Variants in ADGRB3 observed in about 807,000 individuals in gnomAD.
ADGRB3 encodes the protein adhesion G protein-coupled receptor B3, also known as brain-specific angiogenesis inhibitor 3.
In ADGRB3, 37 loss-of-function variants were observed where a neutral mutation model predicts 193.4. That is an observed-to-expected ratio of 0.19 (90% CI 0.15 to 0.25). The LOEUF (loss-of-function observed/expected upper bound fraction) is 0.25. ADGRB3 is among the 10% of genes least tolerant of loss of function. ADGRB3 has a pLI of 1.00. For synonymous variants in ADGRB3, 690 were observed against 644.2 expected (o/e 1.07, Z -1.08); for missense variants, 1,637 against 1,852.9 (o/e 0.88, Z 2.14).
At chr6:69,355,262 C>T (rs1255080903) in intron 27 of ADGRB3, among the ~76,000 whole-genome samples, 1 of 152,110 alleles carries the variant, frequency 6.6e-6, no homozygotes, top group African/African-American at 2.4e-5. Context: ...AGAAGGTTCT[C>T]GACCAGATGA....
chr6:69,226,351 A>C (rs1276285558), intron 17 of ADGRB3, among the ~76,000 whole-genome samples: 1 of 152,206 alleles, frequency 6.6e-6, no homozygotes, highest in African/African-American at 2.4e-5. Flanking sequence ...AACTATATCA[A>C]ATCAAAATCT....
At chr6:69,355,193 A>AT (rs1769313155) in intron 27 of ADGRB3, among the ~76,000 whole-genome samples, 1 of 152,216 alleles carries the variant, frequency 6.6e-6, no homozygotes, top group Non-Finnish European at 1.5e-5. Flanking sequence ...ATTTCAAAAC[A>AT]TTAATTGATT....
chr6:68,976,219 A>T (rs1768742989), intron 10 of ADGRB3, among the ~76,000 whole-genome samples: 1 of 152,176 alleles, frequency 6.6e-6, no homozygotes, highest in African/African-American at 2.4e-5. Context: ...TTGCTTGTGG[A>T]TGGAGAAATA....
intron 3 of ADGRB3, among the ~76,000 whole-genome samples, chr6:68,830,997 G>A (rs983349473): frequency 6.6e-6 from 1 of 150,410 alleles, no homozygotes; most frequent in Non-Finnish European, 1.5e-5. Flanking sequence ...TGGGTATAAC[G>A]TGATCTAACC....
At chr6:69,146,633 C>T (rs1774504789) in intron 17 of ADGRB3, among the ~76,000 whole-genome samples, 1 of 152,212 alleles carries the variant, frequency 6.6e-6, no homozygotes, top group South Asian at 2.1e-4. Flanking sequence ...CCACTGGCTC[C>T]TTGGAGTGCA....
chr6:69,175,211 C>A (rs1181893958), intron 17 of ADGRB3, among the ~76,000 whole-genome samples: 1 of 152,012 alleles, frequency 6.6e-6, no homozygotes, highest in Non-Finnish European at 1.5e-5. Flanking sequence ...AGAATTAACT[C>A]AATATGGGTT....
intron 20 of ADGRB3, among the ~76,000 whole-genome samples, chr6:69,289,166 C>G (rs550020006): frequency 6.6e-6 from 1 of 152,080 alleles, no homozygotes; most frequent in Non-Finnish European, 1.5e-5. Flanking sequence ...AATTTTAAAG[C>G]AATTGTAAAA....
chr6:69,041,064 G>A (rs569967205), intron 13 of ADGRB3, among the ~76,000 whole-genome samples: 65 of 151,576 alleles, frequency 4.3e-4, no homozygotes, highest in African/African-American at 1.4e-3. Context: ...GAACTCTCTC[G>A]GGCACTGTGG....
intron 3 of ADGRB3, among the ~76,000 whole-genome samples, chr6:68,738,102 T>C (rs565757890): frequency 6.6e-6 from 1 of 152,260 alleles, no homozygotes; most frequent in East Asian, 1.9e-4. Context: ...GGATGAGCCA[T>C]GCTAATGTTT....
chr6:69,135,230 A>G (rs1774118250), intron 17 of ADGRB3, among the ~76,000 whole-genome samples: 2 of 151,656 alleles, frequency 1.3e-5, no homozygotes, highest in Admixed American at 6.6e-5. Context: ...CTTATCTTCT[A>G]TTTTCTTCTA....
chr6:69,191,405 T>G (rs1765184353), intron 17 of ADGRB3, among the ~76,000 whole-genome samples: 1 of 152,136 alleles, frequency 6.6e-6, no homozygotes, highest in African/African-American at 2.4e-5. Context: ...AGTAGTTTCA[T>G]TGGTTCTTTA....
At chr6:69,366,896 G>T (rs1456960026) in intron 29 of ADGRB3, among the ~76,000 whole-genome samples, 1 of 152,106 alleles carries the variant, frequency 6.6e-6, no homozygotes, top group Non-Finnish European at 1.5e-5. Flanking sequence ...AGATGCTGCG[G>T]ATCTAAATGT....
chr6:68,838,334 A>G (rs1282412627), intron 3 of ADGRB3, among the ~76,000 whole-genome samples: 2 of 152,210 alleles, frequency 1.3e-5, no homozygotes, highest in Non-Finnish European at 2.9e-5. Flanking sequence ...TATAAACTGT[A>G]AAACTCGCAG....
At chr6:68,871,710 C>T (rs888779928) in intron 3 of ADGRB3, among the ~76,000 whole-genome samples, 2 of 152,018 alleles carry the variant, frequency 1.3e-5, no homozygotes, top group African/African-American at 4.8e-5. Context: ...GAGTTATTCA[C>T]TTGCATTAGT....
chr6:68,661,986 A>G (rs1768673820), intron 3 of ADGRB3, among the ~76,000 whole-genome samples: 1 of 151,526 alleles, frequency 6.6e-6, no homozygotes, highest in Non-Finnish European at 1.5e-5. Flanking sequence ...AATTTTTTAA[A>G]CAAAGTACCA....
chr6:69,190,527 A>G (rs998373339), intron 17 of ADGRB3, among the ~76,000 whole-genome samples: 6 of 152,138 alleles, frequency 3.9e-5, no homozygotes, highest in African/African-American at 7.2e-5. Context: ...AAAAGTTTGT[A>G]AAGTAAAAAA....
chr6:68,749,199 G>T (rs1766144268), intron 3 of ADGRB3, among the ~76,000 whole-genome samples: 1 of 152,148 alleles, frequency 6.6e-6, no homozygotes, highest in Non-Finnish European at 1.5e-5. Context: ...TAGGCTCTTT[G>T]CTACTTATGC....
chr6:68,885,734 G>T (rs1322638762), intron 3 of ADGRB3, among the ~76,000 whole-genome samples: 1 of 152,138 alleles, frequency 6.6e-6, no homozygotes, highest in African/African-American at 2.4e-5. Context: ...TTCAGAAATT[G>T]TACTACACTT....
At position 69,150,735 on chromosome 6, in the gene ADGRB3, C is replaced by T. The variant is rs1043980994; in HGVS notation, c.2480+74697C>T. Among the ~76,000 whole-genome samples the T allele has an allele frequency of 2.0e-5, 3 of 152,314 alleles. No homozygotes were observed. The South Asian group carries it at 6.2e-4, about 32-fold the overall frequency. On this transcript the variant is annotated intron_variant, in intron 17 of 31. Transcript: ENST00000370598. ...TATGCTAGATCACACTTGAAGTCAG[C>T]ATATCTCACCCAAGGCCCAGAGTGT...
Sources: allele counts gnomAD v4.1 joint callset (sites outside exome capture counted in the v4.1 genomes callset), GRCh38; gene constraint gnomAD v4.1.1; transcripts MANE v1.5; gene names NCBI Gene and HGNC (gene_info 2026-07-23, HGNC 2026-07-21).